PTPRD: variants seen among roughly 807,000 people sequenced by gnomAD.
PTPRD encodes the protein receptor-type tyrosine-protein phosphatase delta.
PTPRD carries 34 observed loss-of-function variants against 214.5 expected under a neutral mutation model. The observed-to-expected ratio is 0.16, with a 90% CI of 0.12 to 0.21. The LOEUF (loss-of-function observed/expected upper bound fraction) is 0.21, where lower values mean the gene tolerates loss of function less well. PTPRD is among the 10% of genes least tolerant of loss of function. The pLI is 1.00. For missense variants in PTPRD, 2,545 were observed against 2,398.7 expected (o/e 1.06, Z -1.27); for synonymous variants, 1,128 against 845.7 (o/e 1.33, Z -5.79).
At chr9:8,480,192 C>T (rs1389596424) in intron 30 of PTPRD, among the ~76,000 whole-genome samples, 3 of 152,148 alleles carry the variant, frequency 2.0e-5, no homozygotes, top group Non-Finnish European at 4.4e-5. Context: ...ACAAGTACAA[C>T]GTGGCCAAAC....
chr9:9,715,763 A>T (rs1393968301), intron 7 of PTPRD, among the ~76,000 whole-genome samples: 1 of 152,208 alleles, frequency 6.6e-6, no homozygotes, highest in Non-Finnish European at 1.5e-5. Flanking sequence ...TCAAAGCTGA[A>T]GACTATTGTG....
intron 12 of PTPRD, among the ~76,000 whole-genome samples, chr9:8,677,582 T>C (rs567386436): frequency 3.3e-5 from 5 of 152,228 alleles, no homozygotes; most frequent in Admixed American, 6.5e-5. Context: ...ATCTGAGTGA[T>C]GAAATAATAA....
At chr9:8,987,493 A>G (rs1179086217) in intron 11 of PTPRD, among the ~76,000 whole-genome samples, 2 of 152,160 alleles carry the variant, frequency 1.3e-5, no homozygotes, top group Non-Finnish European at 2.9e-5. Context: ...AATCATTTGG[A>G]GAGAAGAGAA....
At position 10,220,214 on chromosome 9, in the gene PTPRD, T is replaced by C. The variant is rs1323293628; in HGVS notation, c.-545+120749A>G. Among the ~76,000 whole-genome samples the C allele has an allele frequency of 4.6e-5, 7 of 151,908 alleles. No individual in the cohort carries two copies. In the Admixed American group the frequency reaches 4.6e-4, roughly 10 times the overall value. On this transcript the variant is annotated intron_variant, in intron 3 of 45. Coordinates refer to ENST00000381196, the MANE Select transcript of PTPRD (RefSeq NM_002839.4). ...TAAATTGCAGTATAACACAAAAGAA[T>C]ATTAACATAATCTGTTTTTAAAATG...
At chr9:9,527,229 A>G (rs552375181) in intron 8 of PTPRD, among the ~76,000 whole-genome samples, 1 of 152,340 alleles carries the variant, frequency 6.6e-6, no homozygotes, top group Admixed American at 6.5e-5. Flanking sequence ...ATTGACTCTT[A>G]CACTACACTA....
intron 8 of PTPRD, among the ~76,000 whole-genome samples, chr9:9,517,901 A>G (rs1052967648): frequency 2.0e-5 from 3 of 151,518 alleles, no homozygotes; most frequent in Non-Finnish European, 4.4e-5. Flanking sequence ...TCCTTGAAAC[A>G]ATTGTAATAA....
At chr9:9,619,742 T>C (rs1023389731) in intron 7 of PTPRD, among the ~76,000 whole-genome samples, 53 of 146,292 alleles carry the variant, frequency 3.6e-4, no homozygotes, top group Non-Finnish European at 2.1e-4. Flanking sequence ...TAATTTTCTA[T>C]AGATGTAATA....
chr9:9,107,903 T>C (rs890027026), intron 10 of PTPRD, among the ~76,000 whole-genome samples: 2 of 152,146 alleles, frequency 1.3e-5, no homozygotes, highest in Non-Finnish European at 2.9e-5. Context: ...TGTGTATATT[T>C]CATGGAAAAA....
At chr9:8,473,360 C>G (rs1433934732) in intron 30 of PTPRD, among the ~76,000 whole-genome samples, 2 of 152,112 alleles carry the variant, frequency 1.3e-5, no homozygotes, top group African/African-American at 4.8e-5. Flanking sequence ...GTAAGCTTCC[C>G]CCTCTCCTGT....
chr9:10,530,972 C>T (rs2056086482), intron 2 of PTPRD, among the ~76,000 whole-genome samples: 1 of 150,688 alleles, frequency 6.6e-6, no homozygotes, highest in African/African-American at 2.4e-5. Context: ...TTTTTTGAGA[C>T]AGATTCTTGC....
At chr9:10,343,025 C>T (rs149228395) in intron 2 of PTPRD, among the ~76,000 whole-genome samples, 52 of 152,212 alleles carry the variant, frequency 3.4e-4, no homozygotes, top group African/African-American at 1.1e-3. Context: ...ATGTGCACAA[C>T]GTGCAGTTTT....
At chr9:8,397,674 G>A (rs555684780) in intron 36 of PTPRD, among the ~76,000 whole-genome samples, 11 of 152,134 alleles carry the variant, frequency 7.2e-5, no homozygotes, top group South Asian at 4.1e-4. Context: ...CTGAAACCTA[G>A]AGCACTAGTG....
chr9:10,079,932 CTTT>C (rs58765296), intron 3 of PTPRD, among the ~76,000 whole-genome samples: 3 of 139,168 alleles, frequency 2.2e-5, no homozygotes, highest in Admixed American at 1.4e-4. Context: ...TTAAATCTTG[CTTT>C]TTTTTTTTTT....
At chr9:9,220,792 G>A (rs1335076955) in intron 9 of PTPRD, among the ~76,000 whole-genome samples, 8 of 151,962 alleles carry the variant, frequency 5.3e-5, no homozygotes, top group Admixed American at 3.3e-4. Context: ...TTGTCCCCAC[G>A]GCCATTTTGT....
intron 10 of PTPRD, among the ~76,000 whole-genome samples, chr9:9,153,408 G>A (rs2099878534): frequency 6.6e-6 from 1 of 152,132 alleles, no homozygotes; most frequent in Admixed American, 6.6e-5. Flanking sequence ...TGTATGTTCT[G>A]AGAGTGTTAA....
chr9:8,674,351 A>G (rs1252788338), intron 12 of PTPRD, among the ~76,000 whole-genome samples: 1 of 150,478 alleles, frequency 6.6e-6, no homozygotes, highest in Non-Finnish European at 1.5e-5. Context: ...CCAGGCACTC[A>G]GGAGACTGAG....
intron 8 of PTPRD, among the ~76,000 whole-genome samples, chr9:9,494,065 A>T (rs192280285): frequency 6.6e-6 from 1 of 152,176 alleles, no homozygotes; most frequent in African/African-American, 2.4e-5. Flanking sequence ...GGAACTTCCA[A>T]TGTGGTAGAA....
At chr9:9,926,299 A>T (rs758682940) in intron 5 of PTPRD, among the ~76,000 whole-genome samples, 13 of 152,194 alleles carry the variant, frequency 8.5e-5, no homozygotes, top group Non-Finnish European at 1.8e-4. Flanking sequence ...AATTGCTGGG[A>T]AACAGTACAA....
intron 2 of PTPRD, among the ~76,000 whole-genome samples, chr9:10,486,723 A>T (rs192198857): frequency 6.6e-6 from 1 of 152,204 alleles, no homozygotes; most frequent in African/African-American, 2.4e-5. Context: ...GTGACATAAC[A>T]TGTGGTCTAT....
Sources: allele counts gnomAD v4.1 joint callset (sites outside exome capture counted in the v4.1 genomes callset), GRCh38; gene constraint gnomAD v4.1.1; transcripts MANE v1.5; gene names NCBI Gene and HGNC (gene_info 2026-07-23, HGNC 2026-07-21).